RABL3: variants seen among roughly 807,000 people sequenced by gnomAD.
RABL3 encodes the protein rab-like protein 3.
In RABL3, 31 loss-of-function variants were observed where a neutral mutation model predicts 31.8. That is an observed-to-expected ratio of 0.97 (90% CI 0.73 to 1.31). RABL3 has a LOEUF of 1.31. Among genes scored for constraint, RABL3 ranks in the 40% most tolerant of loss-of-function variants. The pLI, the probability that RABL3 is intolerant of heterozygous loss-of-function variation, is 0.00. For missense variants in RABL3, 263 were observed against 279.6 expected, an observed-to-expected ratio of 0.94 and a Z score of 0.42; for synonymous variants, 97 against 99.9, an observed-to-expected ratio of 0.97 and a Z score of 0.18.
At chr3:120,703,792 T>A (rs560129111) in intron 4 of RABL3, among the ~76,000 whole-genome samples, 1 of 152,264 alleles carries the variant, frequency 6.6e-6, no homozygotes, top group African/African-American at 2.4e-5. Context: ...TCTATTGATA[T>A]ACATTAAAAA....
intron 6 of RABL3, 36 bp downstream of exon 6, chr3:120,694,117 A>C: frequency 7.2e-7 from 1 of 1,396,832 alleles, no homozygotes; most frequent in Non-Finnish European, 1.0e-6. Flanking sequence ...ATAATATATA[A>C]ATTAAGTTTA....
intron 3 of RABL3, among the ~76,000 whole-genome samples, chr3:120,708,836 A>C (rs1708580249): frequency 6.6e-6 from 1 of 152,062 alleles, no homozygotes; most frequent in South Asian, 2.1e-4. Flanking sequence ...ATGGGTCTGA[A>C]CTGACACATC....
chr3:120,737,508 C>A (rs989149147), intron 1 of RABL3, among the ~76,000 whole-genome samples: 3 of 152,214 alleles, frequency 2.0e-5, no homozygotes, highest in Non-Finnish European at 4.4e-5. Flanking sequence ...CATCTGAAGA[C>A]TTCTTCTCTC....
At chr3:120,728,531 G>A (rs867459912) in intron 2 of RABL3, among the ~76,000 whole-genome samples, 37 of 152,040 alleles carry the variant, frequency 2.4e-4, no homozygotes, top group Middle Eastern at 3.2e-3. Context: ...CCTAAATAAA[G>A]TTGCCACTGA....
At chr3:120,734,427 C>T (rs1057392253) in intron 1 of RABL3, among the ~76,000 whole-genome samples, 2 of 152,208 alleles carry the variant, frequency 1.3e-5, no homozygotes, top group African/African-American at 2.4e-5. Flanking sequence ...AGCTTATCAG[C>T]TTACGGAGAT....
intron 4 of RABL3, among the ~76,000 whole-genome samples, chr3:120,700,203 G>A (rs764468212): frequency 7.9e-5 from 12 of 151,986 alleles, no homozygotes; most frequent in Non-Finnish European, 1.8e-4. Context: ...GGATGGATAA[G>A]GCTGATAGCT....
At chr3:120,731,790 G>A (rs1259592730) in intron 1 of RABL3, among the ~76,000 whole-genome samples, 6 of 152,272 alleles carry the variant, frequency 3.9e-5, no homozygotes, top group East Asian at 1.9e-4. Context: ...GGTGGCTCAC[G>A]TCTGTACTCC....
intron 2 of RABL3, 23 bp downstream of exon 2, chr3:120,730,673 A>G (rs1340542063): frequency 6.5e-7 from 1 of 1,536,530 alleles, no homozygotes; most frequent in Non-Finnish European, 9.0e-7. Flanking sequence ...TTATTGAAAA[A>G]CTAAAATATA....
In RABL3 at chr3:120,731,033, T is replaced by C. The variant is rs150528265; in HGVS notation, c.47-246A>G. On this transcript the variant is annotated intron_variant, in intron 1 of 7. Transcript: ENST00000273375. The stretch of plus-strand genomic sequence containing the variant: ...AATGCTGGGCTCCACCCCCAGACTT[T>C]CTGATTTAGCGGGTCTGTCTTGGGG... Among the ~76,000 whole-genome samples the C allele has an allele frequency of 7.9e-5, 12 of 152,314 alleles. No homozygotes were observed. In the East Asian group the frequency reaches 2.3e-3, roughly 29 times the overall value.
At chr3:120,700,940 A>G (rs1708485539) in intron 4 of RABL3, among the ~76,000 whole-genome samples, 1 of 152,094 alleles carries the variant, frequency 6.6e-6, no homozygotes, top group Non-Finnish European at 1.5e-5. Flanking sequence ...AAATTTACCT[A>G]AATTGTTTAA....
At chr3:120,713,270 GT>G (rs1708632005) in intron 2 of RABL3, among the ~76,000 whole-genome samples, 1 of 152,076 alleles carries the variant, frequency 6.6e-6, no homozygotes, top group African/African-American at 2.4e-5. Flanking sequence ...ATCCTTTCCT[GT>G]TTCCTTTTAA....
intron 2 of RABL3, among the ~76,000 whole-genome samples, chr3:120,728,776 A>G (rs1276169024): frequency 6.6e-6 from 1 of 152,186 alleles, no homozygotes; most frequent in Non-Finnish European, 1.5e-5. Context: ...GAAATGCTAT[A>G]AAAATATTTT....
In RABL3 at chr3:120,717,272, A is replaced by C. The variant is rs545465579; in HGVS notation, c.139-7363T>G. On this transcript the variant is annotated intron_variant, in intron 2 of 7. Coordinates refer to ENST00000273375, the MANE Select transcript of RABL3 (RefSeq NM_173825.5). Reference sequence around the variant, plus strand: ...AAAACTCCATCTCAAAAAAAACAAAAAAAAAAACAACAAAAAAAAAAACAA... The same window carrying C: ...AAAACTCCATCTCAAAAAAAACAAACAAAAAAACAACAAAAAAAAAAACAA... 3.3e-5 allele frequency among the ~76,000 whole-genome samples: 4 copies of C among 122,812 alleles called. No homozygotes were observed. The South Asian group carries it at 7.6e-4, about 23-fold the overall frequency. 80.6% of individuals were successfully genotyped at this position (122,812 alleles called of 152,430 possible). A position where few individuals can be genotyped will look rare whatever the true frequency, so the allele number is the denominator to read the frequency against.
In RABL3 at chr3:120,689,654, G is replaced by T; in HGVS notation, c.*169C>A. 1 of 555,648 alleles carries T rather than the reference G, an allele frequency of 1.8e-6. No individual in the cohort carries two copies. The allele number at this position is 555,648 out of a possible 1,614,324, so 34.4% of individuals were successfully genotyped here. ...ACACAGAGAACAGGGACAAAGTTTGGACCTCCCGTATTGTCACTTCCTTTC... is the reference window on the plus strand; with the variant it reads ...ACACAGAGAACAGGGACAAAGTTTGTACCTCCCGTATTGTCACTTCCTTTC... On this transcript the variant is annotated 3_prime_UTR_variant, in exon 8 of 8. Coordinates refer to ENST00000273375, the MANE Select transcript of RABL3 (RefSeq NM_173825.5).
chr3:120,723,172 G>A (rs562262664), intron 2 of RABL3, among the ~76,000 whole-genome samples: 15 of 150,368 alleles, frequency 1.0e-4, no homozygotes, highest in Non-Finnish European at 1.9e-4. Context: ...AAAAACACCT[G>A]TACGCAAATA....
At chr3:120,725,710 C>T (rs1327740369) in intron 2 of RABL3, among the ~76,000 whole-genome samples, 1 of 152,144 alleles carries the variant, frequency 6.6e-6, no homozygotes, top group Non-Finnish European at 1.5e-5. Flanking sequence ...AAAAACCAAA[C>T]ACCACATGTT....
chr3:120,729,601 T>C (rs763417734), intron 2 of RABL3, among the ~76,000 whole-genome samples: 40 of 152,010 alleles, frequency 2.6e-4, no homozygotes, highest in Non-Finnish European at 1.2e-4. Flanking sequence ...TTTTGGAAAA[T>C]TTTTACATTT....
At chr3:120,707,373 A>C (rs1708560986) in intron 3 of RABL3, among the ~76,000 whole-genome samples, 1 of 152,186 alleles carries the variant, frequency 6.6e-6, no homozygotes. Context: ...TAAAAAAAGG[A>C]ATAAAGAACC....
intron 4 of RABL3, 68 bp downstream of exon 4, chr3:120,705,932 G>C: frequency 1.1e-6 from 1 of 916,100 alleles, no homozygotes; most frequent in Non-Finnish European, 1.8e-6. Context: ...ATTTTACAAA[G>C]TGTTATTCAG....
Sources: gnomAD v4.1 joint callset for allele counts (sites outside exome capture counted in the v4.1 genomes callset) on GRCh38, gnomAD v4.1.1 for gene constraint, MANE v1.5 for transcripts, NCBI Gene and HGNC (gene_info 2026-07-23, HGNC 2026-07-21) for gene names.